The following RAB7A variants were observed in gnomAD, a reference collection of about 807,000 sequenced individuals.
The protein encoded by RAB7A is RAB7A, member RAS oncogene family.
In RAB7A, 2 loss-of-function variants were observed where a neutral mutation model predicts 24.5. The ratio of observed to expected loss-of-function variants is 0.08; its 90% CI spans 0.03 to 0.26. The LOEUF (loss-of-function observed/expected upper bound fraction) is 0.26. RAB7A is among the 10% of genes least tolerant of loss of function. The pLI, the probability that RAB7A is intolerant of heterozygous loss-of-function variation, is 1.00. For missense variants in RAB7A, 118 were observed against 255.7 expected, an observed-to-expected ratio of 0.46 and a Z score of 3.67; for synonymous variants, 100 against 95.9, an observed-to-expected ratio of 1.04 and a Z score of -0.25.
At chr3:128,768,725 ATT>A (rs34053060) in intron 1 of RAB7A, among the ~76,000 whole-genome samples, 32 of 137,250 alleles carry the variant, frequency 2.3e-4, no homozygotes, top group South Asian at 2.3e-4. Context: ...CACCTGGCTA[ATT>A]TTTTTTTTTT....
chr3:128,728,988 C>T (rs1018290983), intron 1 of RAB7A, among the ~76,000 whole-genome samples: 1 of 152,128 alleles, frequency 6.6e-6, no homozygotes, highest in Non-Finnish European at 1.5e-5. Flanking sequence ...TCTAGATTCC[C>T]TTCTTTAAGG....
chr3:128,776,861 C>A (rs1006475980), intron 1 of RAB7A, among the ~76,000 whole-genome samples: 3 of 151,664 alleles, frequency 2.0e-5, no homozygotes, highest in African/African-American at 7.3e-5. Flanking sequence ...CAATCTTTGT[C>A]TTTTTGGTAG....
At chr3:128,799,985 G>A (rs947751000) in intron 3 of RAB7A, among the ~76,000 whole-genome samples, 1 of 151,928 alleles carries the variant, frequency 6.6e-6, no homozygotes, top group Non-Finnish European at 1.5e-5. Flanking sequence ...TAATGGAAAG[G>A]GATACTATAA....
At chr3:128,735,416 C>G (rs1456206147) in intron 1 of RAB7A, among the ~76,000 whole-genome samples, 2 of 152,220 alleles carry the variant, frequency 1.3e-5, no homozygotes, top group African/African-American at 4.8e-5. Context: ...TGGCACTTCA[C>G]TCTGTAATGC....
At chr3:128,759,867 C>T (rs1435811927) in intron 1 of RAB7A, among the ~76,000 whole-genome samples, 5 of 152,154 alleles carry the variant, frequency 3.3e-5, no homozygotes, top group South Asian at 2.1e-4. Context: ...TGCACCACCA[C>T]GCCCGGCTAA....
intron 1 of RAB7A, among the ~76,000 whole-genome samples, chr3:128,738,093 C>T (rs1559779136): frequency 6.6e-6 from 1 of 151,846 alleles, no homozygotes; most frequent in African/African-American, 2.4e-5. Flanking sequence ...AGTATAGTGG[C>T]CTGAACACAG....
Position 128,814,244 on chromosome 3 carries a change from C to G in RAB7A, c.*822C>G, listed in dbSNP as rs1359455866. Reference sequence around the variant, plus strand: ...CAGTAGACACAAGAATTATGTACGCCTTTTATCAAAGACTTAAGAGCCAAA... The same window carrying G: ...CAGTAGACACAAGAATTATGTACGCGTTTTATCAAAGACTTAAGAGCCAAA... On this transcript the variant is annotated 3_prime_UTR_variant, in exon 6 of 6. Coordinates refer to ENST00000265062, the MANE Select transcript of RAB7A (RefSeq NM_004637.6). The G allele has an allele frequency of 6.5e-6, 1 of 152,948 alleles. No individual in the cohort carries two copies. The highest frequency in any genetic ancestry group is 1.5e-5 in the Non-Finnish European group (1 of 68,120). 9.5% of individuals were successfully genotyped at this position (152,948 alleles called of 1,614,324 possible). A position where few individuals can be genotyped will look rare whatever the true frequency, so the allele number is the denominator to read the frequency against.
intron 1 of RAB7A, among the ~76,000 whole-genome samples, chr3:128,737,800 C>T (rs1452637852): frequency 6.7e-6 from 1 of 149,000 alleles, no homozygotes; most frequent in African/African-American, 2.5e-5. Context: ...AGGCACATGC[C>T]ACCACATCTG....
At chr3:128,768,141 G>C (rs1395784054) in intron 1 of RAB7A, among the ~76,000 whole-genome samples, 2 of 152,006 alleles carry the variant, frequency 1.3e-5, no homozygotes, top group African/African-American at 4.8e-5. Flanking sequence ...CGCATTTTCT[G>C]GTATTTTGTA....
chr3:128,743,873 T>A (rs1178492382), intron 1 of RAB7A, among the ~76,000 whole-genome samples: 1 of 149,870 alleles, frequency 6.7e-6, no homozygotes, highest in African/African-American at 2.5e-5. Flanking sequence ...CACTGCAACC[T>A]CCATCTCCTG....
intron 1 of RAB7A, 120 bp from the exon 2 acceptor site, chr3:128,795,240 A>T (rs1400129746): frequency 4.8e-6 from 4 of 826,876 alleles, no homozygotes; most frequent in Non-Finnish European, 6.4e-6. Flanking sequence ...GAAGGAAGAT[A>T]CCTAGCAGGA....
intron 1 of RAB7A, among the ~76,000 whole-genome samples, chr3:128,743,757 A>G (rs1419014318): frequency 1.3e-5 from 2 of 150,550 alleles, no homozygotes; most frequent in East Asian, 1.9e-4. Flanking sequence ...GTTCAATATC[A>G]GCCTATTCAA....
At chr3:128,746,155 C>T (rs926814215) in intron 1 of RAB7A, among the ~76,000 whole-genome samples, 8 of 152,246 alleles carry the variant, frequency 5.3e-5, no homozygotes, top group Non-Finnish European at 1.2e-4. Context: ...CTGTCCGAAA[C>T]ATTGTACCCT....
At chr3:128,766,548 A>AG (rs1221576520) in intron 1 of RAB7A, among the ~76,000 whole-genome samples, 1 of 152,238 alleles carries the variant, frequency 6.6e-6, no homozygotes, top group Non-Finnish European at 1.5e-5. Context: ...TCTTGGGGGA[A>AG]GAGAAAACAG....
chr3:128,802,509 G>GTATT (rs1036408574), intron 3 of RAB7A, among the ~76,000 whole-genome samples: 3 of 151,332 alleles, frequency 2.0e-5, no homozygotes, highest in African/African-American at 7.3e-5. Context: ...ATGTATGTAT[G>GTATT]TATTTATTTA....
chr3:128,731,737 A>T (rs547369792), intron 1 of RAB7A, among the ~76,000 whole-genome samples: 2 of 152,046 alleles, frequency 1.3e-5, no homozygotes, highest in Non-Finnish European at 2.9e-5. Context: ...GCCGGGGGCG[A>T]TGGCTCACAC....
intron 1 of RAB7A, among the ~76,000 whole-genome samples, chr3:128,741,525 G>A (rs893639524): frequency 6.6e-6 from 1 of 151,786 alleles, no homozygotes; most frequent in Non-Finnish European, 1.5e-5. Flanking sequence ...CTACTTCCAT[G>A]TCTTTTTTTA....
chr3:128,761,199 A>C (rs777747143), intron 1 of RAB7A, among the ~76,000 whole-genome samples: 1 of 152,216 alleles, frequency 6.6e-6, no homozygotes, highest in Non-Finnish European at 1.5e-5. Context: ...TGAGGATTCA[A>C]CATCTAGGTA....
chr3:128,799,379 T>C (rs147219169), intron 3 of RAB7A, among the ~76,000 whole-genome samples: 445 of 152,276 alleles, frequency 2.9e-3, no homozygotes, highest in African/African-American at 9.6e-3. Flanking sequence ...AGCTCAGATC[T>C]TTGGAAACTT....
Sources: gnomAD v4.1 joint callset for allele counts (sites outside exome capture counted in the v4.1 genomes callset) on GRCh38, gnomAD v4.1.1 for gene constraint, MANE v1.5 for transcripts, NCBI Gene and HGNC (gene_info 2026-07-23, HGNC 2026-07-21) for gene names.